The following SAMD4A variants were observed in gnomAD, a reference collection of about 807,000 sequenced individuals.
The protein encoded by SAMD4A is sterile alpha motif domain containing 4A, also known as protein Smaug homolog 1.
A neutral mutation model predicts 81.3 loss-of-function variants in SAMD4A; 33 were observed. The ratio of observed to expected loss-of-function variants is 0.41; its 90% CI spans 0.31 to 0.54. The LOEUF is 0.54. Ranked by LOEUF, SAMD4A falls within the 20% of genes least tolerant of loss-of-function variation. SAMD4A has a pLI of 0.37. For synonymous variants in SAMD4A, 389 were observed against 382.1 expected, an observed-to-expected ratio of 1.02 and a Z score of -0.21; for missense variants, 854 against 951.1, an observed-to-expected ratio of 0.90 and a Z score of 1.34.
chr14:54,618,966 A>C (rs1246077137), intron 2 of SAMD4A, among the ~76,000 whole-genome samples: 1 of 152,216 alleles, frequency 6.6e-6, no homozygotes, highest in Admixed American at 6.5e-5. Context: ...TAAAAATGCC[A>C]AAAATTTGAT....
At chr14:54,702,652 C>A in intron 3 of SAMD4A, 72 bp downstream of exon 3, 1 of 1,530,750 alleles carries the variant, frequency 6.5e-7, no homozygotes. Flanking sequence ...GTCCTGCTGA[C>A]AGTGTCTGCT....
At chr14:54,783,142 A>G (rs2039041217) in intron 11 of SAMD4A, among the ~76,000 whole-genome samples, 1 of 148,742 alleles carries the variant, frequency 6.7e-6, no homozygotes, top group Non-Finnish European at 1.5e-5. Context: ...TTTTCAAACC[A>G]GTGTCACAAA....
rs552050726 is a variant in SAMD4A, at chr14:54,775,018, G to A, written c.1800G>A (p.Gln600=). ...GCAGACGGAACCCGCGCCAGTACCA[G>A]ATCCCCTCTCGGAACGTCCCTTCCG... is the stretch of plus-strand genomic sequence containing the variant. ...GMGRRNPRQY[Q]IPSRNVPSAR... Residue 600 remains glutamine (Q), a synonymous_variant, in exon 10 of 13, where the codon CAG becomes CAA. Transcript: ENST00000554335. 1.2e-6 allele frequency: 2 copies of A among 1,614,232 alleles called. No homozygotes were observed. Among genetic ancestry groups the A allele is most frequent in the African/African-American group, 1.3e-5 (1 of 75,056 alleles).
intron 3 of SAMD4A, among the ~76,000 whole-genome samples, chr14:54,723,768 G>C (rs981406342): frequency 6.6e-6 from 1 of 152,228 alleles, no homozygotes; most frequent in Non-Finnish European, 1.5e-5. Flanking sequence ...GCTCTTTTTG[G>C]CATCAGTATC....
chr14:54,566,380 T>C (rs1442593973), upstream of SAMD4A, among the ~76,000 whole-genome samples: 2 of 151,658 alleles, frequency 1.3e-5, no homozygotes, highest in Admixed American at 6.6e-5. Context: ...CCCCGGGGGC[T>C]TCCCCCTCCG....
chr14:54,644,802 A>C (rs146390315), intron 2 of SAMD4A, among the ~76,000 whole-genome samples: 4 of 152,296 alleles, frequency 2.6e-5, no homozygotes, highest in African/African-American at 9.6e-5. Context: ...AAAAAGCATA[A>C]ATTGAGAAGT....
At position 54,767,376 on chromosome 14, in the gene SAMD4A, G is replaced by A. The variant is rs373777910; in HGVS notation, c.1597-2728G>A. 1.8e-4 allele frequency among the ~76,000 whole-genome samples: 28 copies of A among 152,320 alleles called. No homozygotes were observed. The East Asian group carries it at 5.4e-3, about 29-fold the overall frequency. ...CACCTCCCTTCCTTCCCGGGATGGA[G>A]GGACCGAGTCCCCAGAGTCATGAAT... is the stretch of plus-strand genomic sequence containing the variant. On this transcript the variant is annotated intron_variant, in intron 8 of 12. Coordinates refer to ENST00000554335, the MANE Select transcript of SAMD4A (RefSeq NM_015589.6).
intron 2 of SAMD4A, chr14:54,668,901 T>C (rs1171609278): frequency 1.3e-5 from 2 of 152,240 alleles, no homozygotes; most frequent in East Asian, 3.9e-4. Context: ...GTCCATGTTC[T>C]TCTCTCTCCA....
At chr14:54,723,767 G>A (rs1594859653) in intron 3 of SAMD4A, among the ~76,000 whole-genome samples, 1 of 152,056 alleles carries the variant, frequency 6.6e-6, no homozygotes, top group African/African-American at 2.4e-5. Flanking sequence ...TGCTCTTTTT[G>A]GCATCAGTAT....
chr14:54,665,631 A>T (rs1416794423), intron 2 of SAMD4A, among the ~76,000 whole-genome samples: 3 of 152,238 alleles, frequency 2.0e-5, no homozygotes, highest in Admixed American at 6.5e-5. Context: ...TTCAGAGCAG[A>T]TGGTGGGAAA....
intron 2 of SAMD4A, chr14:54,681,839 G>T (rs929086716): frequency 1.0e-6 from 1 of 985,250 alleles, no homozygotes; most frequent in Non-Finnish European, 1.2e-6. Context: ...GTAAGAATTG[G>T]AACTCTCCCA....
chr14:54,634,206 A>C (rs546161029), intron 2 of SAMD4A, among the ~76,000 whole-genome samples: 5 of 142,212 alleles, frequency 3.5e-5, no homozygotes, highest in Admixed American at 7.6e-5. Context: ...AAATTGCTTG[A>C]ACCTGGGAGG....
At chr14:54,768,780 C>T (rs1012874115) in intron 8 of SAMD4A, among the ~76,000 whole-genome samples, 1 of 152,176 alleles carries the variant, frequency 6.6e-6, no homozygotes, top group African/African-American at 2.4e-5. Flanking sequence ...GCTAAGGTCA[C>T]CCGGGAAGAA....
rs201991552 is a variant in SAMD4A, at chr14:54,760,169, C to G, written c.1185C>G (p.Ile395Met). The change falls in exon 7 of 13, where the codon ATC (isoleucine) becomes ATG (methionine). Residue 395 changes from isoleucine (I) to methionine (M), a missense_variant. Around this residue, in one of 3 missense-constraint regions of SAMD4A, gnomAD observed 428 missense variants for 471.2 expected, o/e 0.91. Coordinates refer to ENST00000554335, the MANE Select transcript of SAMD4A (RefSeq NM_015589.6). ...NLLKSLERDI[I>M]EGGSLRIPLQ... is the part of the protein sequence containing the mutation. ...CTGCTCTCACCGTCCAGGACATCAT[C>G]GAGGGGGGCAGCCTGCGCATCCCGC... 6.2e-7 allele frequency: 1 copy of G among 1,612,184 alleles called. No individual in the cohort carries two copies. Among genetic ancestry groups the G allele is most frequent in the African/African-American group, 1.3e-5 (1 of 74,820 alleles).
chr14:54,778,093 C>T (rs1246651035), intron 11 of SAMD4A, among the ~76,000 whole-genome samples: 2 of 152,224 alleles, frequency 1.3e-5, no homozygotes, highest in African/African-American at 2.4e-5. Context: ...GTCTTTCACC[C>T]TGGCCTCAGT....
At chr14:54,741,529 G>T (rs1404292993) in intron 4 of SAMD4A, among the ~76,000 whole-genome samples, 2 of 152,188 alleles carry the variant, frequency 1.3e-5, no homozygotes, top group Non-Finnish European at 2.9e-5. Flanking sequence ...GAGAAACTTT[G>T]GACTAACTAG....
At chr14:54,774,738 C>T (rs1361268607) in intron 9 of SAMD4A, among the ~76,000 whole-genome samples, 196 bp from the exon 10 acceptor site, 2 of 149,642 alleles carry the variant, frequency 1.3e-5, no homozygotes, top group Non-Finnish European at 3.0e-5. Context: ...CACCTGAGCC[C>T]AGGAGGTCAA....
intron 2 of SAMD4A, among the ~76,000 whole-genome samples, chr14:54,597,055 C>T (rs986746476): frequency 1.3e-5 from 2 of 151,390 alleles, no homozygotes; most frequent in East Asian, 1.9e-4. Flanking sequence ...AAACAAAACA[C>T]CATATATCTG....
intron 2 of SAMD4A, among the ~76,000 whole-genome samples, chr14:54,651,398 C>T (rs1165930215): frequency 6.6e-6 from 1 of 152,162 alleles, no homozygotes; most frequent in African/African-American, 2.4e-5. Context: ...GGGAGTTCAG[C>T]ATGACATTAG....
Sources: allele counts gnomAD v4.1 joint callset (sites outside exome capture counted in the v4.1 genomes callset), GRCh38; gene constraint gnomAD v4.1.1; regional missense constraint gnomAD v4.1.1; transcripts MANE v1.5; gene names NCBI Gene and HGNC (gene_info 2026-07-23, HGNC 2026-07-21).